CYP2R1: variants seen among roughly 807,000 people sequenced by gnomAD.
CYP2R1 encodes vitamin D 25-hydroxylase.
CYP2R1 carries 40 observed loss-of-function variants against 45.7 expected under a neutral mutation model. That is an observed-to-expected ratio of 0.87 (90% CI 0.68 to 1.14). CYP2R1 has a LOEUF of 1.14. CYP2R1 is among the 50% of genes most tolerant of loss of function. The pLI is 0.00. For missense variants in CYP2R1, 605 were observed against 602.6 expected (o/e 1.00, Z -0.04); for synonymous variants, 234 against 219.3 (o/e 1.07, Z -0.59).
chr11:14,881,240 A>G (rs1555012212), intron 2 of CYP2R1, among the ~76,000 whole-genome samples: 2 of 152,136 alleles, frequency 1.3e-5, no homozygotes, highest in East Asian at 3.9e-4. Flanking sequence ...GGGATATGGT[A>G]GACAATCAAG....
At chr11:14,887,671 C>T (rs540162060) in intron 1 of CYP2R1, 173 of 983,908 alleles carry the variant, frequency 1.8e-4, no homozygotes, top group South Asian at 6.1e-4. Context: ...TTTCCCTCAC[C>T]CAAACCAGCC....
rs781885921 is a variant in CYP2R1, at chr11:14,879,094, C to A, written c.1330+20G>T. 4 of 1,582,882 alleles carry A rather than the reference C, an allele frequency of 2.5e-6. No individual in the cohort carries two copies. The South Asian group carries it at 4.4e-5, about 17-fold the overall frequency. On this transcript the variant is annotated intron_variant, in intron 4 of 4. Transcript: ENST00000334636. The stretch of plus-strand genomic sequence containing the variant: ...CATTATCCTTTATTCTAAAGTTACG[C>A]CCCGTGAAAGTTCTCTTACCTAGGG...
At chr11:14,892,424 T>C (rs975733991), upstream of CYP2R1, among the ~76,000 whole-genome samples, 2 of 152,196 alleles carry the variant, frequency 1.3e-5, no homozygotes, top group African/African-American at 4.8e-5. Flanking sequence ...TGCTACCCTT[T>C]GGAGGTGGCG....
intron 2 of CYP2R1, among the ~76,000 whole-genome samples, chr11:14,881,037 T>C (rs1290403796): frequency 6.6e-6 from 1 of 152,062 alleles, no homozygotes; most frequent in African/African-American, 2.4e-5. Context: ...TTTAACCTGG[T>C]GAAATAGGCC....
intron 1 of CYP2R1, among the ~76,000 whole-genome samples, chr11:14,889,059 G>A (rs1848726259): frequency 1.3e-5 from 2 of 152,100 alleles, no homozygotes; most frequent in African/African-American, 2.4e-5. Flanking sequence ...CCTGAGGACT[G>A]GCTGTTTAAC....
At chr11:14,882,946 G>C (rs1773596740) in intron 2 of CYP2R1, among the ~76,000 whole-genome samples, 1 of 152,020 alleles carries the variant, frequency 6.6e-6, no homozygotes, top group African/African-American at 2.4e-5. Context: ...GCTTCAAAGA[G>C]AATAAAATAC....
intron 2 of CYP2R1, among the ~76,000 whole-genome samples, chr11:14,883,866 C>T (rs1346064199): frequency 2.6e-5 from 4 of 152,076 alleles, no homozygotes; most frequent in Non-Finnish European, 4.4e-5. Context: ...AACAAGTGGG[C>T]GAAGGACATG....
At chr11:14,888,978 C>T (rs1815223154) in intron 1 of CYP2R1, among the ~76,000 whole-genome samples, 1 of 152,158 alleles carries the variant, frequency 6.6e-6, no homozygotes, top group South Asian at 2.1e-4. Context: ...CAGAATCAAT[C>T]TCCAAGGAAA....
At chr11:14,878,980 TG>T in intron 4 of CYP2R1, 133 bp downstream of exon 4, 2 of 741,346 alleles carry the variant, frequency 2.7e-6, no homozygotes, top group Non-Finnish European at 4.5e-6. Flanking sequence ...CATTCTCTCC[TG>T]TTAGAATCAG....
chr11:14,886,399 A>G (rs1555014696), intron 1 of CYP2R1: 2 of 166,434 alleles, frequency 1.2e-5, no homozygotes, highest in African/African-American at 4.8e-5. Context: ...CCTGAGAGAC[A>G]ACTTTGAAGT....
intron 3 of CYP2R1, 31 bp from the exon 4 acceptor site, chr11:14,879,474 G>T: frequency 6.5e-7 from 1 of 1,528,156 alleles, no homozygotes; most frequent in Non-Finnish European, 8.9e-7. Context: ...AAGTTATTAT[G>T]CAGTTCTTAG....
intron 1 of CYP2R1, chr11:14,886,828 A>C (rs1323769453): frequency 6.6e-6 from 1 of 152,328 alleles, no homozygotes; most frequent in Non-Finnish European, 1.5e-5. Context: ...CTTCAGAAGA[A>C]AACAGGAGGC....
chr11:14,890,320 G>T, intron 1 of CYP2R1: 1 of 245,632 alleles, frequency 4.1e-6, no homozygotes, highest in Non-Finnish European at 6.5e-6. Context: ...ATATTATGAT[G>T]CTGTGTACCA....
chr11:14,889,737 A>C (rs1260505681), intron 1 of CYP2R1, among the ~76,000 whole-genome samples: 2 of 152,208 alleles, frequency 1.3e-5, no homozygotes, highest in Admixed American at 6.5e-5. Context: ...TTATATAAGA[A>C]AAGCTTAATT....
upstream of CYP2R1, chr11:14,892,254 A>G: frequency 6.5e-7 from 1 of 1,546,290 alleles, no homozygotes; most frequent in Non-Finnish European, 8.8e-7. Flanking sequence ...AGACCCAGGC[A>G]CTCCCTCCAG....
chr11:14,885,102 T>G (rs1848563252), intron 2 of CYP2R1, among the ~76,000 whole-genome samples: 2 of 152,200 alleles, frequency 1.3e-5, no homozygotes, highest in Non-Finnish European at 2.9e-5. Context: ...GTTAAATTTT[T>G]ATTTGAAATT....
intron 3 of CYP2R1, 39 bp downstream of exon 3, chr11:14,880,097 T>C: frequency 6.2e-7 from 1 of 1,608,598 alleles, no homozygotes; most frequent in Non-Finnish European, 8.5e-7. Flanking sequence ...GAACCCTACA[T>C]GTAAGGATAG....
chr11:14,880,735 A>G lies in CYP2R1; in HGVS notation c.401T>C (p.Val134Ala), dbSNP rs782119142. 2 of 1,607,420 alleles carry G rather than the reference A, an allele frequency of 1.2e-6. No individual in the cohort carries two copies. The highest frequency in any genetic ancestry group is 2.2e-5 in the South Asian group (2 of 89,520). The change falls in exon 3 of 5, where the codon GTT becomes GCT. Residue 134 changes from valine (V) to alanine (A), a missense_variant. Transcript: ENST00000334636. The stretch of plus-strand genomic sequence containing the variant: ...GTTTACAGCTAATCGTCTGTGATCA[A>G]CCCATCCTCGGCCATATCTGGAATT... ...LLNSRYGRGW[V>A]DHRRLAVNSF...
At chr11:14,891,713 G>C (rs1848865174) in intron 1 of CYP2R1, 1 of 1,253,178 alleles carries the variant, frequency 8.0e-7, no homozygotes, top group East Asian at 3.9e-5. Flanking sequence ...GAGCTCGAGC[G>C]GTAGCGGGAA....
Sources: allele counts gnomAD v4.1 joint callset (sites outside exome capture counted in the v4.1 genomes callset), GRCh38; gene constraint gnomAD v4.1.1; transcripts MANE v1.5; gene names NCBI Gene and HGNC (gene_info 2026-07-23, HGNC 2026-07-21).